IGSF11: variants seen among roughly 807,000 people sequenced by gnomAD.
IGSF11 encodes the protein CXADR like 1.
In IGSF11, 22 loss-of-function variants were observed where a neutral mutation model predicts 41.0. The ratio of observed to expected loss-of-function variants is 0.54; its 90% confidence interval spans 0.38 to 0.77. The LOEUF (loss-of-function observed/expected upper bound fraction) is 0.77, where lower values mean the gene tolerates loss of function less well. Among genes scored for constraint, IGSF11 ranks in the 30% least tolerant of loss-of-function variants. IGSF11 has a pLI of 0.00. For missense variants in IGSF11, 444 were observed against 530.8 expected, an observed-to-expected ratio of 0.84 and a Z score of 1.61; for synonymous variants, 219 against 201.3, an observed-to-expected ratio of 1.09 and a Z score of -0.74.
chr3:119,144,110 G>A (rs149433012), intron 1 of IGSF11, among the ~76,000 whole-genome samples: 161 of 152,222 alleles, frequency 1.1e-3, no homozygotes, highest in African/African-American at 3.8e-3. Context: ...GCAGTGCAGT[G>A]GCACAATCAT....
intron 1 of IGSF11, among the ~76,000 whole-genome samples, chr3:119,005,049 T>A (rs575268179): frequency 0.022 from 3,195 of 148,360 alleles, 132 homozygotes; most frequent in African/African-American, 0.078. Context: ...ATCTGTCCAA[T>A]GTTGACAGTG....
At chr3:118,977,223 G>A (rs897218916) in intron 1 of IGSF11, among the ~76,000 whole-genome samples, 7 of 152,158 alleles carry the variant, frequency 4.6e-5, no homozygotes, top group African/African-American at 1.7e-4. Context: ...ACTCCTGGGA[G>A]GGTGAGCTCA....
At chr3:119,030,197 T>C (rs1940262349) in intron 1 of IGSF11, among the ~76,000 whole-genome samples, 1 of 152,248 alleles carries the variant, frequency 6.6e-6, no homozygotes, top group African/African-American at 2.4e-5. Context: ...AGTAGACTTT[T>C]TCAAGTAACT....
chr3:118,928,783 T>C, intron 2 of IGSF11, 67 bp from the exon 3 acceptor site: 1 of 1,172,368 alleles, frequency 8.5e-7, no homozygotes, highest in Non-Finnish European at 1.2e-6. Flanking sequence ...ACAATAACTA[T>C]TTGGTAGACA....
chr3:118,928,578 G>T lies in IGSF11; in HGVS notation c.355C>A (p.Gln119Lys). Residue 119 changes from glutamine to lysine, a missense_variant, in exon 3 of 7, where the codon CAG (glutamine) becomes AAG (lysine). Physicochemically the swap from Gln to Lys is moderately conservative, Grantham distance 53. Transcript: ENST00000393775. Reference sequence around the variant, plus strand: ...TCTGGAAGGTTGTTGACCAGGCACTGGTAGGTGCCAGTGTCTGATAACTGA... The same window carrying T: ...TCTGGAAGGTTGTTGACCAGGCACTTGTAGGTGCCAGTGTCTGATAACTGA... ...NTQLSDTGTY[Q>K]CLVNNLPDIG... is the part of the protein sequence containing the mutation. 6.2e-7 allele frequency: 1 copy of T among 1,613,846 alleles called. No homozygotes were observed. The highest frequency in any genetic ancestry group is 8.5e-7 in the Non-Finnish European group (1 of 1,179,924).
intron 1 of IGSF11, among the ~76,000 whole-genome samples, chr3:118,994,908 A>C (rs932210701): frequency 6.6e-6 from 1 of 152,182 alleles, no homozygotes; most frequent in Non-Finnish European, 1.5e-5. Flanking sequence ...GAGGAATGGT[A>C]CAGGGAAGAA....
chr3:119,111,260 A>T (rs1372777270), intron 1 of IGSF11, among the ~76,000 whole-genome samples: 3 of 150,818 alleles, frequency 2.0e-5, no homozygotes, highest in Admixed American at 6.6e-5. Context: ...TTCCACATAG[A>T]CCCATATTTC....
intron 1 of IGSF11, among the ~76,000 whole-genome samples, chr3:119,112,389 C>G (rs534639747): frequency 1.6e-4 from 24 of 152,294 alleles, no homozygotes; most frequent in Admixed American, 2.6e-4. Flanking sequence ...GGCGTAGGAC[C>G]CTCCGAGCCA....
intron 1 of IGSF11, among the ~76,000 whole-genome samples, chr3:119,059,449 G>A (rs1941983938): frequency 6.6e-6 from 1 of 152,110 alleles, no homozygotes; most frequent in Non-Finnish European, 1.5e-5. Flanking sequence ...AGTACACATT[G>A]GGTTCAGTGT....
At chr3:119,053,807 A>G (rs1451639667) in intron 1 of IGSF11, among the ~76,000 whole-genome samples, 1 of 152,222 alleles carries the variant, frequency 6.6e-6, no homozygotes, top group Non-Finnish European at 1.5e-5. Flanking sequence ...TGGTACTGTT[A>G]TAAGTACAAG....
At chr3:119,094,213 C>A (rs2076809686) in intron 1 of IGSF11, among the ~76,000 whole-genome samples, 1 of 28,332 alleles carries the variant, frequency 3.5e-5, no homozygotes, top group Admixed American at 5.4e-4. Context: ...AGAAGGACTA[C>A]ATAGCGAAGT....
Position 118,926,205 on chromosome 3 carries a change from C to T in IGSF11, c.476G>A (p.Ser159Asn). 1 of 1,611,360 alleles carries T rather than the reference C, an allele frequency of 6.2e-7. No homozygotes were observed. Among genetic ancestry groups the T allele is most frequent in the Non-Finnish European group, 8.5e-7 (1 of 1,178,152 alleles). ...TGAGCTACAGAGCAGGATGACATCG[C>T]TGCCAATATCCTGGGATCCTTGGAT... ...CQIQGSQDIG[S>N]DVILLCSSEE... Residue 159 changes from serine (S) to asparagine (N), a missense_variant, in exon 4 of 7, where the codon AGC (serine) becomes AAC (asparagine). Physicochemically the swap from Ser to Asn is conservative, Grantham distance 46. Coordinates refer to ENST00000393775, the MANE Select transcript of IGSF11 (RefSeq NM_001015887.3).
rs556122501 is a variant in IGSF11 at position 119,000,959 on chromosome 3, T to C, written c.52+33572A>G. ...AGGTTCTGTGCTGTCTGCTCTTTCA[T>C]TGCCCAGCAACCATATTTTCTATAA... On this transcript the variant is annotated intron_variant, in intron 1 of 6. Coordinates refer to ENST00000393775, the MANE Select transcript of IGSF11 (RefSeq NM_001015887.3). 3.9e-5 allele frequency among the ~76,000 whole-genome samples: 6 copies of C among 152,324 alleles called. No homozygotes were observed. In the South Asian group the frequency reaches 6.2e-4, roughly 16 times the overall value.
chr3:119,044,247 T>A (rs1008727851), intron 1 of IGSF11, among the ~76,000 whole-genome samples: 7 of 151,924 alleles, frequency 4.6e-5, no homozygotes, highest in African/African-American at 1.7e-4. Flanking sequence ...AAAGACATAC[T>A]TAGAGAAATG....
At chr3:118,944,509 A>C (rs1341086747) in intron 1 of IGSF11, among the ~76,000 whole-genome samples, 6 of 121,090 alleles carry the variant, frequency 5.0e-5, no homozygotes, top group African/African-American at 1.6e-4. Flanking sequence ...CACACACACG[A>C]TCCCTCTCAT....
At chr3:119,135,736 T>C (rs1280863393) in intron 1 of IGSF11, among the ~76,000 whole-genome samples, 2 of 152,184 alleles carry the variant, frequency 1.3e-5, no homozygotes, top group East Asian at 3.8e-4. Flanking sequence ...GGATTATAAA[T>C]CATGCTACTA....
rs1196028029 is a variant in IGSF11, at chr3:118,930,219, C to T, written c.109G>A (p.Gly37Ser). The change falls in exon 2 of 7, where the codon GGT (glycine) becomes AGT (serine). Residue 37 changes from glycine to serine, a missense_variant. Transcript: ENST00000393775. ...GTGCAGGGCAGGACTGCTGGCTGACCCCGGGCCACCTGGATACTCCCAGGG... is the reference window on the plus strand; with the variant it reads ...GTGCAGGGCAGGACTGCTGGCTGACTCCGGGCCACCTGGATACTCCCAGGG... The part of the protein sequence containing the change: ...ESPGSIQVAR[G>S]QPAVLPCTFT... 1 of 1,613,822 alleles carries T rather than the reference C, an allele frequency of 6.2e-7. No homozygotes were observed. Among genetic ancestry groups the T allele is most frequent in the African/African-American group, 1.3e-5 (1 of 74,882 alleles).
intron 1 of IGSF11, among the ~76,000 whole-genome samples, chr3:118,939,170 G>T (rs979648328): frequency 1.4e-4 from 22 of 152,064 alleles, no homozygotes; most frequent in African/African-American, 5.1e-4. Context: ...ACATATTCTG[G>T]ACTATAAAAT....
intron 4 of IGSF11, among the ~76,000 whole-genome samples, chr3:118,920,328 AAAAT>A (rs1361668193): frequency 3.3e-5 from 5 of 150,618 alleles, no homozygotes; most frequent in East Asian, 3.9e-4. Context: ...TAAATATCAA[AAAAT>A]AAATAAATTA....
Sources: gnomAD v4.1 joint callset for allele counts (sites outside exome capture counted in the v4.1 genomes callset) on GRCh38, gnomAD v4.1.1 for gene constraint, MANE v1.5 for transcripts, NCBI Gene and HGNC (gene_info 2026-07-23, HGNC 2026-07-21) for gene names.